The following NBAS variants were observed in gnomAD, a reference collection of about 807,000 sequenced individuals.
NBAS encodes NBAS subunit of NRZ tethering complex, also known as NAG/BC035112 fusion.
In NBAS, 219 loss-of-function variants were observed where a neutral mutation model predicts 302.5. The ratio of observed to expected loss-of-function variants is 0.72; its 90% CI spans 0.65 to 0.81. NBAS has a LOEUF of 0.81. NBAS is among the 30% of genes least tolerant of loss of function. The pLI, the probability that NBAS is intolerant of heterozygous loss-of-function variation, is 0.00. For missense variants in NBAS, 2,932 were observed against 2,841.6 expected (o/e 1.03, Z -0.72); for synonymous variants, 1,118 against 1,021.6 (o/e 1.09, Z -1.80).
At chr2:15,543,351 G>A (rs1226877188) in intron 6 of NBAS, among the ~76,000 whole-genome samples, 2 of 152,100 alleles carry the variant, frequency 1.3e-5, no homozygotes, top group African/African-American at 4.8e-5. Flanking sequence ...TTCCTTAGAA[G>A]GCATTCTGTG....
the NBAS span, among the ~76,000 whole-genome samples, chr2:15,054,874 T>C: frequency 0.042 from 6,374 of 152,168 alleles, 308 homozygotes; most frequent in East Asian, 0.11. Context: ...TAATAGAGAG[T>C]CCAAAAAACA....
the NBAS span, among the ~76,000 whole-genome samples, chr2:14,917,878 G>A: frequency 6.6e-6 from 1 of 152,144 alleles, no homozygotes; most frequent in Admixed American, 6.5e-5. Context: ...CACATTCCAG[G>A]TAAAGGCACT....
chr2:15,441,841 G>A (rs1027525545), intron 21 of NBAS, among the ~76,000 whole-genome samples: 1 of 151,784 alleles, frequency 6.6e-6, no homozygotes, highest in Non-Finnish European at 1.5e-5. Context: ...AACAAAAAAA[G>A]GCAGGGGTTG....
intron 42 of NBAS, among the ~76,000 whole-genome samples, chr2:15,278,423 G>A (rs1669683844): frequency 6.6e-6 from 1 of 152,244 alleles, no homozygotes; most frequent in Non-Finnish European, 1.5e-5. Flanking sequence ...TATTCGTAAC[G>A]TATTTTAAGT....
chr2:15,559,528 A>AT (rs200374535), intron 1 of NBAS, among the ~76,000 whole-genome samples: 21 of 152,300 alleles, frequency 1.4e-4, no homozygotes, highest in Non-Finnish European at 2.5e-4. Context: ...GTGTAGACAG[A>AT]TTTTTTTAAA....
chr2:15,125,827 C>A, the NBAS span, among the ~76,000 whole-genome samples: 68,618 of 151,996 alleles, frequency 0.45, 18,240 homozygotes, highest in Non-Finnish European at 0.57. Context: ...AGGAACTTAT[C>A]TCCAGATGAG....
chr2:15,001,920 G>T, the NBAS span, among the ~76,000 whole-genome samples: 1 of 152,104 alleles, frequency 6.6e-6, no homozygotes, highest in Admixed American at 6.6e-5. Flanking sequence ...AGTGTGGAAG[G>T]GGACCCCAGG....
At chr2:15,089,871 C>G in the NBAS span, among the ~76,000 whole-genome samples, 44 of 151,284 alleles carry the variant, frequency 2.9e-4, 2 homozygotes, top group Non-Finnish European at 2.9e-5. Flanking sequence ...GCCTCAGCCT[C>G]CTGAGTACCT....
intron 42 of NBAS, among the ~76,000 whole-genome samples, chr2:15,285,317 A>G (rs1170992980): frequency 1.3e-5 from 2 of 152,134 alleles, no homozygotes; most frequent in African/African-American, 4.8e-5. Context: ...CCCTTTCTTT[A>G]AACTCTTTCT....
chr2:15,413,758 G>A (rs1676793209), intron 25 of NBAS, among the ~76,000 whole-genome samples: 1 of 152,180 alleles, frequency 6.6e-6, no homozygotes. Flanking sequence ...ACTTTCCGCA[G>A]ATCATGACAT....
the NBAS span, among the ~76,000 whole-genome samples, chr2:15,008,050 C>G: frequency 6.6e-6 from 1 of 152,220 alleles, no homozygotes; most frequent in Non-Finnish European, 1.5e-5. Flanking sequence ...ATGTTCCAAC[C>G]TGGACTCCCA....
At position 15,537,407 on chromosome 2, in the gene NBAS, C is replaced by G. The variant is rs991847359; in HGVS notation, c.514-856G>C. On this transcript the variant is annotated intron_variant, in intron 7 of 51. Coordinates refer to ENST00000281513, the MANE Select transcript of NBAS (RefSeq NM_015909.4). Reference sequence around the variant, plus strand: ...CATGCATTTCTTAGTCACTTTCCCACAATTTACCACCTCAAAAAGCCAAAA... The same window carrying G: ...CATGCATTTCTTAGTCACTTTCCCAGAATTTACCACCTCAAAAAGCCAAAA... Among the ~76,000 whole-genome samples, 5 of 152,302 alleles carry G rather than the reference C, an allele frequency of 3.3e-5. No individual in the cohort carries two copies. In the South Asian group the frequency reaches 1.0e-3, roughly 32 times the overall value.
rs568927768 is a variant in NBAS at position 15,308,480 on chromosome 2, A to G, written c.4660-127T>C. 5 of 1,158,212 alleles carry G rather than the reference A, an allele frequency of 4.3e-6. No individual in the cohort carries two copies. In the African/African-American group the frequency reaches 7.7e-5, roughly 18 times the overall value. 71.7% of individuals were successfully genotyped at this position (1,158,212 alleles called of 1,614,324 possible). A position where few individuals can be genotyped will look rare whatever the true frequency, so the allele number is the denominator to read the frequency against. ...GTTCCCATTACATCAACTCAAGCTC[A>G]AGATCAACTTAATAATGACTATATT... On this transcript the variant is annotated intron_variant, in intron 39 of 51. Transcript: ENST00000281513.
chr2:15,016,230 CA>C, the NBAS span, among the ~76,000 whole-genome samples: 1 of 151,994 alleles, frequency 6.6e-6, no homozygotes, highest in African/African-American at 2.4e-5. Context: ...GACAGCCAAG[CA>C]AAAGGAGAAG....
At chr2:14,805,355 A>G in the NBAS span, among the ~76,000 whole-genome samples, 1 of 152,220 alleles carries the variant, frequency 6.6e-6, no homozygotes, top group African/African-American at 2.4e-5. Flanking sequence ...AGGAAGAGAC[A>G]AAAGAGATGA....
the NBAS span, among the ~76,000 whole-genome samples, chr2:14,790,756 A>G: frequency 1.3e-4 from 19 of 151,796 alleles, no homozygotes; most frequent in Non-Finnish European, 2.2e-4. Context: ...GGTTCAAGCA[A>G]TTCTCCTGCC....
intron 33 of NBAS, among the ~76,000 whole-genome samples, chr2:15,354,662 A>G (rs1673527533): frequency 6.6e-6 from 1 of 152,240 alleles, no homozygotes; most frequent in Non-Finnish European, 1.5e-5. Flanking sequence ...GAAGAGTTTT[A>G]AATGTTTTCA....
At chr2:14,910,423 C>A in the NBAS span, among the ~76,000 whole-genome samples, 1 of 152,324 alleles carries the variant, frequency 6.6e-6, no homozygotes, top group African/African-American at 2.4e-5. Context: ...GTCCATGACA[C>A]AAGTCTATCC....
At chr2:15,069,590 C>G in the NBAS span, among the ~76,000 whole-genome samples, 1 of 151,288 alleles carries the variant, frequency 6.6e-6, no homozygotes. Context: ...AAAGAGATAG[C>G]AAAAATGGCA....
Sources: gnomAD v4.1 joint callset for allele counts (sites outside exome capture counted in the v4.1 genomes callset) on GRCh38, gnomAD v4.1.1 for gene constraint, MANE v1.5 for transcripts, NCBI Gene and HGNC (gene_info 2026-07-23, HGNC 2026-07-21) for gene names.